Variants in FDX1 observed in about 807,000 individuals in gnomAD.
The protein encoded by FDX1 is ferredoxin 1.
In FDX1, 9 loss-of-function variants were observed where a neutral mutation model predicts 14.9. The observed-to-expected ratio is 0.60, with a 90% CI of 0.36 to 1.05. FDX1 has a LOEUF of 1.05. Ranked by LOEUF, FDX1 falls within the 50% of genes least tolerant of loss-of-function variation. The probability of loss-of-function intolerance (pLI) is 0.01; values close to 1 mark genes in which losing one functional copy is unlikely to be tolerated. For missense variants in FDX1, 204 were observed against 237.2 expected (o/e 0.86, Z 0.92); for synonymous variants, 92 against 99.4 (o/e 0.93, Z 0.44).
At position 110,463,297 on chromosome 11, in the gene FDX1, A is replaced by G. The variant is rs1946567083; in HGVS notation, c.*829A>G. On this transcript the variant is annotated 3_prime_UTR_variant, in exon 4 of 4. Transcript: ENST00000260270. The stretch of plus-strand genomic sequence containing the variant: ...TCTCTGTCCTGAGCTGGAGAAGGGA[A>G]TGAGCAGGCTGACACGTTGCACAGC... 1 of 152,238 alleles carries G rather than the reference A, an allele frequency of 6.6e-6. No individual in the cohort carries two copies. The highest frequency in any genetic ancestry group is 2.4e-5 in the African/African-American group (1 of 41,470). The allele number at this position is 152,238 out of a possible 1,614,324, so 9.4% of individuals were successfully genotyped here.
At chr11:110,444,706 G>GTGTATA (rs1565381961) in intron 2 of FDX1, among the ~76,000 whole-genome samples, 2 of 30,830 alleles carry the variant, frequency 6.5e-5, no homozygotes, top group Non-Finnish European at 1.1e-4. Context: ...ATATATATAC[G>GTGTATA]TATATATATA....
At chr11:110,434,325 G>A (rs986228843) in intron 1 of FDX1, among the ~76,000 whole-genome samples, 3 of 132,842 alleles carry the variant, frequency 2.3e-5, no homozygotes, top group East Asian at 2.4e-4. Flanking sequence ...AAAAGCAATC[G>A]CCCTATTGAT....
chr11:110,434,334 A>ATTTGCTTTTTTTTTTTTTTTTT (rs71476086), intron 1 of FDX1, among the ~76,000 whole-genome samples: 1 of 126,408 alleles, frequency 7.9e-6, no homozygotes, highest in Non-Finnish European at 1.6e-5. Flanking sequence ...CGCCCTATTG[A>ATTTGCTTTTTTTTTTTTTTTTT]TTTTTTTTTT....
chr11:110,435,559 T>TA (rs1946362747), intron 1 of FDX1, among the ~76,000 whole-genome samples: 1 of 152,042 alleles, frequency 6.6e-6, no homozygotes, highest in African/African-American at 2.4e-5. Context: ...GAAAAGAAAA[T>TA]ACCTTCGGCT....
At chr11:110,459,580 T>C (rs775794157) in intron 3 of FDX1, among the ~76,000 whole-genome samples, 11 of 152,260 alleles carry the variant, frequency 7.2e-5, no homozygotes, top group Non-Finnish European at 1.3e-4. Flanking sequence ...AAGCTGCTTC[T>C]CTGAGTTGAA....
chr11:110,434,854 G>A (rs1052376250), intron 1 of FDX1, among the ~76,000 whole-genome samples: 1 of 150,938 alleles, frequency 6.6e-6, no homozygotes, highest in African/African-American at 2.4e-5. Flanking sequence ...AGCCCCATGA[G>A]TAGCTGGTAC....
rs1312994676 is a variant in FDX1, at chr11:110,429,949, C to G, written c.-172C>G. 1 of 378,814 alleles carries G rather than the reference C, an allele frequency of 2.6e-6. No individual in the cohort carries two copies. Among genetic ancestry groups the G allele is most frequent in the Non-Finnish European group, 4.5e-6 (1 of 221,906 alleles). 23.5% of individuals were successfully genotyped at this position (378,814 alleles called of 1,614,324 possible). ...GTCTTTATAGGTCACCCGGAAGGCA[C>G]GCGGAACCTCGGCGCGGTGCTTCCA... is the stretch of plus-strand genomic sequence containing the variant. On this transcript the variant is annotated 5_prime_UTR_variant, in exon 1 of 4. Coordinates refer to ENST00000260270, the MANE Select transcript of FDX1 (RefSeq NM_004109.5).
At chr11:110,442,916 T>C (rs1175397832) in intron 2 of FDX1, among the ~76,000 whole-genome samples, 1 of 152,102 alleles carries the variant, frequency 6.6e-6, no homozygotes, top group Non-Finnish European at 1.5e-5. Flanking sequence ...GGCAGGTCTT[T>C]CCCATGCTGT....
chr11:110,430,175 G>T lies in FDX1; in HGVS notation c.55G>T (p.Gly19Cys). The change falls in exon 1 of 4, where the codon GGC becomes TGC. Residue 19 changes from glycine (G) to cysteine (C), a missense_variant. Coordinates refer to ENST00000260270, the MANE Select transcript of FDX1 (RefSeq NM_004109.5). ...LLRAASAVLG[G>C]PAGRWLHHAG... ...GCGCGCCGCTTCTGCTGTCCTCGGC[G>T]GCCCGGCCGGCCGGTGGCTGCACCA... 2 of 1,232,704 alleles carry T rather than the reference G, an allele frequency of 1.6e-6. No homozygotes were observed. Among genetic ancestry groups the T allele is most frequent in the African/African-American group, 1.6e-5 (1 of 63,804 alleles). 76.4% of individuals were successfully genotyped at this position (1,232,704 alleles called of 1,614,324 possible). A position where few individuals can be genotyped will look rare whatever the true frequency, so the allele number is the denominator to read the frequency against.
intron 2 of FDX1, among the ~76,000 whole-genome samples, chr11:110,440,159 CTT>C (rs79867776): frequency 6.6e-6 from 1 of 151,428 alleles, no homozygotes; most frequent in Admixed American, 6.6e-5. Context: ...TGGATCATCT[CTT>C]TTTTTTTCTT....
Position 110,449,299 on chromosome 11 carries a change from G to A in FDX1, c.311-7619G>A, listed in dbSNP as rs558387242. On this transcript the variant is annotated intron_variant, in intron 2 of 3. Coordinates refer to ENST00000260270, the MANE Select transcript of FDX1 (RefSeq NM_004109.5). ...ATTGTTGTATAACCAAGCCAGGATGGTGGCTAAAATGCTAGCACCAGGGGC... is the reference window on the plus strand; with the variant it reads ...ATTGTTGTATAACCAAGCCAGGATGATGGCTAAAATGCTAGCACCAGGGGC... 2.1e-3 allele frequency among the ~76,000 whole-genome samples: 325 copies of A among 152,318 alleles called. 3 individuals carry two copies. The highest frequency in any genetic ancestry group is 7.2e-3 in the African/African-American group (299 of 41,570).
At chr11:110,431,854 C>T (rs1946334137) in intron 1 of FDX1, among the ~76,000 whole-genome samples, 1 of 152,156 alleles carries the variant, frequency 6.6e-6, no homozygotes, top group Non-Finnish European at 1.5e-5. Context: ...CTTATCATTC[C>T]TCTTACAGAC....
intron 1 of FDX1, 108 bp downstream of exon 1, chr11:110,430,413 C>G (rs1179816489): frequency 2.7e-6 from 2 of 751,240 alleles, no homozygotes; most frequent in Non-Finnish European, 3.5e-6. Context: ...GCGCGCCGGG[C>G]CCACACCCCG....
rs976374497 is a variant in FDX1 at position 110,463,653 on chromosome 11, C to T, written c.*1185C>T. 2.3e-4 allele frequency: 35 copies of T among 152,120 alleles called. No homozygotes were observed. The highest frequency in any genetic ancestry group is 8.5e-4 in the African/African-American group (35 of 41,408). The allele number at this position is 152,120 out of a possible 1,614,324, so 9.4% of individuals were successfully genotyped here. On this transcript the variant is annotated 3_prime_UTR_variant, in exon 4 of 4. Coordinates refer to ENST00000260270, the MANE Select transcript of FDX1 (RefSeq NM_004109.5). Reference sequence around the variant, plus strand: ...CTTGATCATTTATATAAATATTTGTCTAGTACAATGCTTGACATACAGCAT... The same window carrying T: ...CTTGATCATTTATATAAATATTTGTTTAGTACAATGCTTGACATACAGCAT...
intron 2 of FDX1, among the ~76,000 whole-genome samples, chr11:110,456,509 CTTTTT>C: frequency 1.2e-5 from 1 of 83,810 alleles, no homozygotes; most frequent in South Asian, 4.4e-4. Context: ...TTTATGTATT[CTTTTT>C]TTTTTTTTTT....
At chr11:110,448,821 T>G (rs77122183) in intron 2 of FDX1, among the ~76,000 whole-genome samples, 2,881 of 152,318 alleles carry the variant, frequency 0.019, 77 homozygotes, top group African/African-American at 0.061. Flanking sequence ...CCAAAACTGT[T>G]GTCAGGAATC....
At chr11:110,460,574 C>G (rs1299490312) in intron 3 of FDX1, among the ~76,000 whole-genome samples, 2 of 152,244 alleles carry the variant, frequency 1.3e-5, no homozygotes, top group Non-Finnish European at 1.5e-5. Flanking sequence ...GGGCTTTCTT[C>G]TTAGACCTCT....
intron 2 of FDX1, among the ~76,000 whole-genome samples, chr11:110,451,978 G>A (rs1946489366): frequency 6.6e-6 from 1 of 152,144 alleles, no homozygotes; most frequent in South Asian, 2.1e-4. Flanking sequence ...AGTGAAGAAA[G>A]GGTATTCTTT....
intron 2 of FDX1, among the ~76,000 whole-genome samples, chr11:110,452,902 A>G (rs1172842308): frequency 6.6e-6 from 1 of 152,232 alleles, no homozygotes; most frequent in South Asian, 2.1e-4. Context: ...TAGAGAACAG[A>G]TCAGTGGTTA....
Sources: allele counts gnomAD v4.1 joint callset (sites outside exome capture counted in the v4.1 genomes callset), GRCh38; gene constraint gnomAD v4.1.1; transcripts MANE v1.5; gene names NCBI Gene and HGNC (gene_info 2026-07-23, HGNC 2026-07-21).